The following PPHLN1 variants were observed in gnomAD, a reference collection of about 807,000 sequenced individuals.
PPHLN1 encodes periphilin-1.
Under a neutral mutation model 51.3 loss-of-function variants are expected in PPHLN1, and 29 were observed. The ratio of observed to expected loss-of-function variants is 0.57; its 90% confidence interval spans 0.42 to 0.77. The LOEUF (loss-of-function observed/expected upper bound fraction) is 0.77, where lower values mean the gene tolerates loss of function less well. Among genes scored for constraint, PPHLN1 ranks in the 30% least tolerant of loss-of-function variants. The probability of loss-of-function intolerance (pLI) is 0.00; values close to 1 mark genes in which losing one functional copy is unlikely to be tolerated. For synonymous variants in PPHLN1, 147 were observed against 147.8 expected (o/e 0.99, Z 0.04); for missense variants, 436 against 438.4 (o/e 0.99, Z 0.05).
downstream of PPHLN1, chr12:42,446,720 T>G: frequency 6.9e-7 from 1 of 1,453,358 alleles, no homozygotes; most frequent in Non-Finnish European, 9.3e-7. Context: ...GATGGTCAGG[T>G]TGGTAGGAGA....
chr12:42,329,781 A>AG lies in PPHLN1; in HGVS notation c.-21+3555dup, dbSNP rs1161544368. 7 of 152,020 alleles carry AG rather than the reference A, an allele frequency of 4.6e-5. No homozygotes were observed. The East Asian group carries it at 1.3e-3, about 29-fold the overall frequency. 9.4% of individuals were successfully genotyped at this position (152,020 alleles called of 1,614,324 possible). A position where few individuals can be genotyped will look rare whatever the true frequency, so the allele number is the denominator to read the frequency against. ...GTTAATTCCACAGATACCTGGATGA[A>AG]GGGTGGCCTGCCCCTCCACACCTGT... On this transcript the variant is annotated intron_variant, in intron 1 of 9. Transcript: ENST00000358314.
intron 2 of PPHLN1, among the ~76,000 whole-genome samples, chr12:42,340,548 T>C (rs919752937): frequency 6.6e-6 from 1 of 152,140 alleles, no homozygotes; most frequent in Non-Finnish European, 1.5e-5. Flanking sequence ...ACTTCACAAA[T>C]ATAATATTAA....
rs939385349 is a variant in PPHLN1, at chr12:42,335,867, T to C, written c.-20-16T>C. On this transcript the variant is annotated splice_polypyrimidine_tract_variant and intron_variant, in intron 1 of 9. Coordinates refer to ENST00000358314, the MANE Select transcript of PPHLN1 (RefSeq NM_201439.2). The stretch of plus-strand genomic sequence containing the variant: ...CTTCCTAGTATAAAATCCATAATTC[T>C]TTTTTTTTTCTTTAGTGGCTTACAG... The C allele has an allele frequency of 4.6e-6, 6 of 1,292,830 alleles. No individual in the cohort carries two copies. Among genetic ancestry groups the C allele is most frequent in the African/African-American group, 3.1e-5 (2 of 65,334 alleles). 80.1% of individuals were successfully genotyped at this position (1,292,830 alleles called of 1,614,324 possible).
At position 42,384,104 on chromosome 12, in the gene PPHLN1, T is replaced by C. The variant is rs141182028; in HGVS notation, c.512-836T>C. ...AAACTTGCTGGATGCCAGAGAAAGA[T>C]AGTGAATAATGAGAAAAGGATACTG... On this transcript the variant is annotated intron_variant, in intron 5 of 9. Transcript: ENST00000358314. Among the ~76,000 whole-genome samples the C allele has an allele frequency of 3.3e-3, 489 of 149,144 alleles. 1 individual carries two copies. Among genetic ancestry groups the C allele is most frequent in the African/African-American group, 0.011 (454 of 40,510 alleles).
At chr12:42,366,224 C>CTT (rs34689856) in intron 4 of PPHLN1, among the ~76,000 whole-genome samples, 4,431 of 111,128 alleles carry the variant, frequency 0.04, 288 homozygotes, top group Non-Finnish European at 0.055. Flanking sequence ...GTACCGGACA[C>CTT]TTTTTTTTTT....
intron 7 of PPHLN1, among the ~76,000 whole-genome samples, chr12:42,387,883 G>A (rs1057171702): frequency 2.0e-5 from 3 of 152,192 alleles, no homozygotes; most frequent in Non-Finnish European, 4.4e-5. Context: ...TGTGTTGTAT[G>A]GAATCAAGGT....
At chr12:42,393,165 T>C (rs1382221143) in intron 7 of PPHLN1, among the ~76,000 whole-genome samples, 1 of 152,210 alleles carries the variant, frequency 6.6e-6, no homozygotes, top group Non-Finnish European at 1.5e-5. Flanking sequence ...TATCTGTACG[T>C]TTCTGTTGTA....
chr12:42,437,292 C>G (rs1280271621), intron 9 of PPHLN1, among the ~76,000 whole-genome samples: 1 of 152,150 alleles, frequency 6.6e-6, no homozygotes, highest in Admixed American at 6.5e-5. Context: ...CTACTACTCC[C>G]TTCTATAGAC....
downstream of PPHLN1, chr12:42,442,759 G>T: frequency 6.2e-7 from 1 of 1,612,262 alleles, no homozygotes; most frequent in African/African-American, 1.3e-5. Context: ...ATTGGTGCCC[G>T]CTCGGGATTT....
intron 4 of PPHLN1, among the ~76,000 whole-genome samples, chr12:42,367,393 T>A (rs1183173941): frequency 6.6e-6 from 1 of 151,900 alleles, no homozygotes; most frequent in Non-Finnish European, 1.5e-5. Flanking sequence ...ATAAATCAGG[T>A]AAAAATGAAA....
At chr12:42,357,078 A>G (rs898771565) in intron 4 of PPHLN1, among the ~76,000 whole-genome samples, 2 of 152,214 alleles carry the variant, frequency 1.3e-5, no homozygotes, top group South Asian at 2.1e-4. Context: ...CCAAAAGAGT[A>G]TGAGGCCTAT....
intron 4 of PPHLN1, among the ~76,000 whole-genome samples, chr12:42,374,486 C>T (rs993949180): frequency 2.0e-5 from 3 of 151,978 alleles, no homozygotes; most frequent in Admixed American, 6.6e-5. Context: ...GTTGCCCAGG[C>T]TGGAGTACAG....
At chr12:42,336,014 T>G in intron 2 of PPHLN1, 40 bp downstream of exon 2, 1 of 1,365,868 alleles carries the variant, frequency 7.3e-7, no homozygotes. Context: ...AAAAACCTGG[T>G]GTCTGAATTA....
chr12:42,329,618 A>G (rs1474560762), intron 1 of PPHLN1, among the ~76,000 whole-genome samples: 1 of 152,140 alleles, frequency 6.6e-6, no homozygotes, highest in Non-Finnish European at 1.5e-5. Context: ...CTACTAGTAG[A>G]AATATTACTA....
At chr12:42,351,851 GTCATT>G in intron 2 of PPHLN1, 29 bp from the exon 3 acceptor site, 1 of 1,509,026 alleles carries the variant, frequency 6.6e-7, no homozygotes, top group Non-Finnish European at 8.8e-7. Flanking sequence ...AGAGAAATTA[GTCATT>G]TGTATATATT....
At chr12:42,341,821 C>G (rs920639184) in intron 2 of PPHLN1, among the ~76,000 whole-genome samples, 1 of 152,104 alleles carries the variant, frequency 6.6e-6, no homozygotes, top group African/African-American at 2.4e-5. Context: ...CGGGGTTTCA[C>G]CGTGTTAGCC....
Position 42,375,227 on chromosome 12 carries a change from A to G in PPHLN1, c.511+153A>G, listed in dbSNP as rs558685925. The G allele has an allele frequency of 1.2e-5, 7 of 591,568 alleles. No individual in the cohort carries two copies. The East Asian group carries it at 2.0e-4, about 17-fold the overall frequency. 36.6% of individuals were successfully genotyped at this position (591,568 alleles called of 1,614,324 possible). ...ACAGAAAAGATGGTAGAATAGTATAACAAACACCATACACACACATTTTTT... is the reference window on the plus strand; with the variant it reads ...ACAGAAAAGATGGTAGAATAGTATAGCAAACACCATACACACACATTTTTT... On this transcript the variant is annotated intron_variant, in intron 5 of 9. Coordinates refer to ENST00000358314, the MANE Select transcript of PPHLN1 (RefSeq NM_201439.2).
chr12:42,444,729 C>T (rs2083205427), downstream of PPHLN1: 2 of 300,594 alleles, frequency 6.7e-6, no homozygotes, highest in African/African-American at 4.4e-5. Flanking sequence ...TCAGATAGCA[C>T]TCTCTGATTA....
rs542106205 is a variant in PPHLN1, at chr12:42,330,495, C to G, written c.-21+4266C>G. Among the ~76,000 whole-genome samples, 227 of 152,254 alleles carry G rather than the reference C, an allele frequency of 1.5e-3. 2 individuals are homozygous for G. The highest frequency in any genetic ancestry group is 1.9e-3 in the East Asian group (10 of 5,174). On this transcript the variant is annotated intron_variant, in intron 1 of 9. Transcript: ENST00000358314. ...TGCAGCTTTCCGCAGGGCATTGTGC[C>G]CCTGGTTAATCGAGAATGGAGAATG...
Sources: allele counts gnomAD v4.1 joint callset (sites outside exome capture counted in the v4.1 genomes callset), GRCh38; gene constraint gnomAD v4.1.1; transcripts MANE v1.5; gene names NCBI Gene and HGNC (gene_info 2026-07-23, HGNC 2026-07-21).